SF3B2: variants seen among roughly 807,000 people sequenced by gnomAD.
The protein encoded by SF3B2 is splicing factor 3b subunit 2, also known as SAP 145.
Under a neutral mutation model 116.3 loss-of-function variants are expected in SF3B2, and 22 were observed. That is an observed-to-expected ratio of 0.19 (90% CI 0.14 to 0.27). The LOEUF (loss-of-function observed/expected upper bound fraction) is 0.27, where lower values mean the gene tolerates loss of function less well. Ranked by LOEUF, SF3B2 falls within the 10% of genes least tolerant of loss-of-function variation. The pLI is 1.00. For missense variants in SF3B2, 767 were observed against 1,151.4 expected (o/e 0.67, Z 4.83); for synonymous variants, 406 against 421.6 (o/e 0.96, Z 0.45).
At chr11:66,061,818 G>C in intron 15 of SF3B2, 43 bp downstream of exon 15, 1 of 1,605,776 alleles carries the variant, frequency 6.2e-7, no homozygotes, top group Non-Finnish European at 8.5e-7. Flanking sequence ...GAAGAGGCTG[G>C]TGGGGATTGG....
intron 7 of SF3B2, 40 bp from the exon 8 acceptor site, chr11:66,058,014 G>T (rs1158484229): frequency 7.3e-7 from 1 of 1,362,666 alleles, no homozygotes; most frequent in Non-Finnish European, 1.0e-6. Flanking sequence ...AAGAAAAAGG[G>T]CACTGTGATT....
chr11:66,060,758 G>T, intron 14 of SF3B2, 27 bp downstream of exon 14: 1 of 1,611,896 alleles, frequency 6.2e-7, no homozygotes, highest in Non-Finnish European at 8.5e-7. Flanking sequence ...GGAGAGGTCA[G>T]GCTGGGCCTT....
chr11:66,053,236 G>A, intron 3 of SF3B2, 132 bp downstream of exon 3: 2 of 858,524 alleles, frequency 2.3e-6, no homozygotes, highest in Non-Finnish European at 3.9e-6. Flanking sequence ...ACCTGAGTGG[G>A]GAAAAAAAAA....
rs1021240820 is a variant in SF3B2, at chr11:66,059,144, C to T, written c.1183-57C>T. ...TGAACAGGCATCTTTTAGTGCTGGC[C>T]TTAGGAACTGGGAAGGGGCTCAGAG... On this transcript the variant is annotated intron_variant, in intron 10 of 21. Transcript: ENST00000322535. The surrounding 1 kb of genome is among the most constrained non-coding windows in gnomAD (Gnocchi z 5.0). The T allele has an allele frequency of 5.7e-5, 92 of 1,612,004 alleles. No individual in the cohort carries two copies. Among genetic ancestry groups the T allele is most frequent in the Non-Finnish European group, 7.2e-5 (85 of 1,179,048 alleles).
rs780812166 is a variant in SF3B2 at position 66,059,476 on chromosome 11, T to A, written c.1321-39T>A. 14 of 1,612,432 alleles carry A rather than the reference T, an allele frequency of 8.7e-6. No homozygotes were observed. Among genetic ancestry groups the A allele is most frequent in the Non-Finnish European group, 8.5e-7 (1 of 1,178,554 alleles). On this transcript the variant is annotated intron_variant, in intron 11 of 21. Transcript: ENST00000322535. This position sits in a 1 kb window ranked among gnomAD's most constrained non-coding sequence, Gnocchi z 5.0. The stretch of plus-strand genomic sequence containing the variant: ...GGTGGGTTGGGCAGTTTCATTCACA[T>A]CTGAGTCCTGCTTAAAAGGGCTGAT...
At chr11:66,060,449 C>T (rs961366348) in intron 13 of SF3B2, 133 bp from the exon 14 acceptor site, 1 of 1,048,960 alleles carries the variant, frequency 9.5e-7, no homozygotes, top group Admixed American at 2.4e-5. Context: ...AAGGTTTTAG[C>T]AGGAAGGATT....
intron 19 of SF3B2, chr11:66,064,948 T>G (rs1306269105): frequency 6.6e-6 from 1 of 152,132 alleles, no homozygotes; most frequent in African/African-American, 2.4e-5. Context: ...GGATTCTAGG[T>G]TGACAATCTT....
intron 13 of SF3B2, among the ~76,000 whole-genome samples, chr11:66,060,378 T>C (rs184054241): frequency 1.3e-5 from 2 of 152,368 alleles, no homozygotes; most frequent in Admixed American, 1.3e-4. Flanking sequence ...GTTATTGATA[T>C]ACACGGCTGA....
rs768827765 is a variant in SF3B2, at chr11:66,052,413, A to G, written c.29A>G (p.Lys10Arg). 2.5e-6 allele frequency: 4 copies of G among 1,612,676 alleles called. No individual in the cohort carries two copies. The highest frequency in any genetic ancestry group is 3.4e-6 in the Non-Finnish European group (4 of 1,179,748). ...GCGACGGAGCATCCCGAGCCTCCCA[A>G]AGCAGAATTGCAGCTGCCGCCGCCG... is the stretch of plus-strand genomic sequence containing the variant. MATEHPEPP[K>R]AELQLPPPPP... is the part of the protein sequence containing the mutation. Residue 10 changes from lysine to arginine, a missense_variant, in exon 1 of 22, where the codon AAA (lysine) becomes AGA (arginine). Physicochemically the swap from Lys to Arg is conservative, Grantham distance 26. Transcript: ENST00000322535.
chr11:66,056,639 A>G (rs942079519), intron 5 of SF3B2, among the ~76,000 whole-genome samples, 199 bp from the exon 6 acceptor site: 1 of 152,146 alleles, frequency 6.6e-6, no homozygotes, highest in Admixed American at 6.5e-5. Flanking sequence ...TGTTATTTCT[A>G]GGGATTTTCC....
chr11:66,057,061 TA>T, intron 6 of SF3B2, 106 bp downstream of exon 6: 1 of 889,112 alleles, frequency 1.1e-6, no homozygotes, highest in Non-Finnish European at 1.8e-6. Context: ...ATAGTAAATA[TA>T]TAGTTTAATG....
At chr11:66,055,481 G>C in intron 4 of SF3B2, 54 bp from the exon 5 acceptor site, 1 of 1,607,488 alleles carries the variant, frequency 6.2e-7, no homozygotes, top group African/African-American at 1.3e-5. Context: ...AAGAGTTGTG[G>C]CAGATTGGCG....
rs1237984787 is a variant in SF3B2 at position 66,068,178 on chromosome 11, C to G, written c.2461C>G (p.Leu821Val). The G allele has an allele frequency of 4.3e-6, 7 of 1,614,124 alleles. No individual in the cohort carries two copies. In the Admixed American group the frequency reaches 1.2e-4, roughly 27 times the overall value. ...VMSRKGPAPE[L>V]QGVEVALAPE... ...GAGCCGGAAGGGCCCGGCTCCTGAGCTGCAAGGTGTGGAAGTGGCGCTGGC... is the reference window on the plus strand; with the variant it reads ...GAGCCGGAAGGGCCCGGCTCCTGAGGTGCAAGGTGTGGAAGTGGCGCTGGC... Residue 821 changes from leucine (L) to valine (V), a missense_variant, in exon 21 of 22, where the codon CTG becomes GTG. Physicochemically the swap from Leu to Val is conservative, Grantham distance 32. This residue lies in a region of SF3B2 where 282 missense variants were observed against 568.0 expected (regional missense o/e 0.50). Transcript: ENST00000322535.
At chr11:66,065,081 C>T (rs1857159162) in intron 19 of SF3B2, 1 of 152,232 alleles carries the variant, frequency 6.6e-6, no homozygotes, top group Admixed American at 6.5e-5. Context: ...AAGCGATTCT[C>T]CTGTTTCAGC....
At chr11:66,054,052 CAT>C (rs1394035113) in intron 3 of SF3B2, 1 of 151,976 alleles carries the variant, frequency 6.6e-6, no homozygotes, top group Non-Finnish European at 1.5e-5. Flanking sequence ...CGTGGTAGCA[CAT>C]GTCTGTAATC....
At chr11:66,060,102 T>A in intron 13 of SF3B2, 93 bp downstream of exon 13, 1 of 1,057,192 alleles carries the variant, frequency 9.5e-7, no homozygotes, top group Non-Finnish European at 1.4e-6. Context: ...GAAACCCACC[T>A]ACCACCTACT....
At chr11:66,058,203 T>C in intron 8 of SF3B2, 53 bp downstream of exon 8, 3 of 1,581,970 alleles carry the variant, frequency 1.9e-6, no homozygotes, top group South Asian at 1.1e-5. Context: ...GAGGCTGAGC[T>C]GAGTCCTCAT....
In SF3B2 at chr11:66,060,749, G is replaced by A. The variant is rs1246230052; in HGVS notation, c.1779+18G>A. 5 of 1,613,582 alleles carry A rather than the reference G, an allele frequency of 3.1e-6. No homozygotes were observed. In the African/African-American group the frequency reaches 4.0e-5, roughly 13 times the overall value. On this transcript the variant is annotated intron_variant, in intron 14 of 21. Coordinates refer to ENST00000322535, the MANE Select transcript of SF3B2 (RefSeq NM_006842.3). ...ACTATGAGGTTCGGGAGGGGGCTGG[G>A]AGAGGTCAGGCTGGGCCTTGGGGTT...
intron 19 of SF3B2, chr11:66,066,716 A>C (rs1284548784): frequency 6.6e-6 from 1 of 152,300 alleles, no homozygotes; most frequent in African/African-American, 2.4e-5. Context: ...CTCTATTCCC[A>C]GTTCTGAGTG....
Sources: allele counts gnomAD v4.1 joint callset (sites outside exome capture counted in the v4.1 genomes callset), GRCh38; gene constraint gnomAD v4.1.1; regional missense constraint gnomAD v4.1.1; non-coding constraint Gnocchi (gnomAD v3.1); transcripts MANE v1.5; gene names NCBI Gene and HGNC (gene_info 2026-07-23, HGNC 2026-07-21).